Variants in ZMAT4 observed in about 807,000 individuals in gnomAD.
ZMAT4 encodes the protein zinc finger matrin-type 4, also known as zinc finger matrin-type protein 4.
Under a neutral mutation model 28.7 loss-of-function variants are expected in ZMAT4, and 17 were observed. The observed-to-expected ratio is 0.59, with a 90% confidence interval of 0.41 to 0.89. The LOEUF (loss-of-function observed/expected upper bound fraction) is 0.89. ZMAT4 is among the 40% of genes least tolerant of loss of function. The pLI is 0.00. For synonymous variants in ZMAT4, 117 were observed against 109.2 expected, an observed-to-expected ratio of 1.07 and a Z score of -0.44; for missense variants, 240 against 283.8, an observed-to-expected ratio of 0.85 and a Z score of 1.11.
chr8:40,637,591 A>C (rs1806844925), intron 5 of ZMAT4, among the ~76,000 whole-genome samples: 1 of 152,232 alleles, frequency 6.6e-6, no homozygotes, highest in Admixed American at 6.5e-5. Flanking sequence ...GCCATATTAA[A>C]ATAGTTACTA....
chr8:40,639,471 T>C (rs555096205), intron 5 of ZMAT4, among the ~76,000 whole-genome samples: 1 of 152,110 alleles, frequency 6.6e-6, no homozygotes, highest in Non-Finnish European at 1.5e-5. Flanking sequence ...CTCTTGGCCA[T>C]GAAGGATATT....
intron 1 of ZMAT4, among the ~76,000 whole-genome samples, chr8:40,847,968 T>A (rs188152242): frequency 6.6e-6 from 1 of 152,218 alleles, no homozygotes; most frequent in Non-Finnish European, 1.5e-5. Flanking sequence ...TAATTTTAAG[T>A]TCCAGGCTGT....
chr8:40,717,364 A>T lies in ZMAT4; in HGVS notation c.193-19963T>A, dbSNP rs142141440. ...CTTCTAATATAAAATACTCAAAATA[A>T]AGCATTCAGGCAGGGTACAGTGGCT... On this transcript the variant is annotated intron_variant, in intron 3 of 6. Transcript: ENST00000297737. Among the ~76,000 whole-genome samples the T allele has an allele frequency of 5.1e-3, 778 of 152,260 alleles. 2 individuals carry two copies. Among genetic ancestry groups the T allele is most frequent in the African/African-American group, 0.017 (693 of 41,544 alleles).
intron 5 of ZMAT4, among the ~76,000 whole-genome samples, chr8:40,596,838 G>A (rs1052163349): frequency 6.6e-6 from 1 of 152,174 alleles, no homozygotes; most frequent in Non-Finnish European, 1.5e-5. Context: ...CCGTCTCCCT[G>A]TTCCAACTCT....
chr8:40,821,157 T>C (rs1430606355), intron 2 of ZMAT4, among the ~76,000 whole-genome samples: 2 of 152,132 alleles, frequency 1.3e-5, no homozygotes, highest in Non-Finnish European at 2.9e-5. Context: ...TTTTTTCTTT[T>C]TCCTACGTTG....
chr8:40,602,587 G>A (rs1805436941), intron 5 of ZMAT4, among the ~76,000 whole-genome samples: 1 of 151,970 alleles, frequency 6.6e-6, no homozygotes, highest in South Asian at 2.1e-4. Context: ...AAGTGATATT[G>A]CTTTGTAGTT....
At chr8:40,565,277 C>T (rs1901374) in intron 6 of ZMAT4, among the ~76,000 whole-genome samples, 1 of 151,360 alleles carries the variant, frequency 6.6e-6, no homozygotes, top group Non-Finnish European at 1.5e-5. Context: ...ATATGAGTTT[C>T]TAAGTGACAA....
intron 5 of ZMAT4, among the ~76,000 whole-genome samples, chr8:40,659,670 T>C (rs1395812874): frequency 1.3e-5 from 2 of 152,300 alleles, no homozygotes; most frequent in South Asian, 2.1e-4. Context: ...ATTGTTCCTC[T>C]GTGGTACAGA....
At chr8:40,646,942 T>A (rs1186793797) in intron 5 of ZMAT4, among the ~76,000 whole-genome samples, 1 of 152,234 alleles carries the variant, frequency 6.6e-6, no homozygotes, top group African/African-American at 2.4e-5. Context: ...GGACAAATCA[T>A]ATGTTTGGCC....
intron 5 of ZMAT4, among the ~76,000 whole-genome samples, chr8:40,636,490 G>A (rs1806796232): frequency 2.6e-5 from 4 of 152,152 alleles, no homozygotes; most frequent in Admixed American, 2.6e-4. Context: ...TGTTCAGAAG[G>A]TCAGCTTCAA....
At chr8:40,696,605 A>G (rs1291204613) in intron 4 of ZMAT4, among the ~76,000 whole-genome samples, 2 of 152,168 alleles carry the variant, frequency 1.3e-5, no homozygotes, top group Non-Finnish European at 1.5e-5. Context: ...AAGCAATTAG[A>G]AGGTCAAATC....
intron 2 of ZMAT4, among the ~76,000 whole-genome samples, chr8:40,813,634 G>A (rs895322114): frequency 8.5e-5 from 13 of 152,258 alleles, no homozygotes; most frequent in Admixed American, 3.9e-4. Flanking sequence ...ATACACGGGA[G>A]CTGGCTTTAG....
intron 5 of ZMAT4, among the ~76,000 whole-genome samples, chr8:40,668,468 C>CAAAAAAAAAAAAA (rs71224843): frequency 3.5e-5 from 3 of 85,022 alleles, no homozygotes; most frequent in Non-Finnish European, 4.5e-5. Context: ...GACTTTGTCT[C>CAAAAAAAAAAAAA]AAAAAAAAAA....
rs941677781 is a variant in ZMAT4, at chr8:40,768,540, G to T, written c.103-810C>A. Among the ~76,000 whole-genome samples, 5 of 152,264 alleles carry T rather than the reference G, an allele frequency of 3.3e-5. No homozygotes were observed. The East Asian group carries it at 7.7e-4, about 24-fold the overall frequency. Reference sequence around the variant, plus strand: ...CTGAGGCAGGATGGCGGAGTGAAAAGAACACTAAGAGTCATCACACATTCA... The same window carrying T: ...CTGAGGCAGGATGGCGGAGTGAAAATAACACTAAGAGTCATCACACATTCA... On this transcript the variant is annotated intron_variant, in intron 2 of 6. Transcript: ENST00000297737.
chr8:40,789,614 C>T (rs1270205256), intron 2 of ZMAT4, among the ~76,000 whole-genome samples: 1 of 152,046 alleles, frequency 6.6e-6, no homozygotes, highest in African/African-American at 2.4e-5. Flanking sequence ...GATGAAGACC[C>T]CATTTACCCT....
intron 5 of ZMAT4, among the ~76,000 whole-genome samples, chr8:40,626,003 G>A (rs544724218): frequency 8.6e-5 from 13 of 151,930 alleles, no homozygotes; most frequent in African/African-American, 2.7e-4. Context: ...CCAGCTACTC[G>A]GGAGGCTGAG....
intron 6 of ZMAT4, among the ~76,000 whole-genome samples, chr8:40,537,404 G>T (rs1289365802): frequency 6.6e-6 from 1 of 152,126 alleles, no homozygotes; most frequent in Non-Finnish European, 1.5e-5. Flanking sequence ...AGAAAAGTCA[G>T]GTATTGGGAA....
chr8:40,602,645 T>C (rs1000316136), intron 5 of ZMAT4, among the ~76,000 whole-genome samples: 3 of 152,226 alleles, frequency 2.0e-5, no homozygotes, highest in African/African-American at 7.2e-5. Context: ...ATTTTTCATA[T>C]GTTTTTTGGC....
At chr8:40,637,790 G>T (rs1297635206) in intron 5 of ZMAT4, among the ~76,000 whole-genome samples, 1 of 152,152 alleles carries the variant, frequency 6.6e-6, no homozygotes, top group Non-Finnish European at 1.5e-5. Context: ...AGGCTAGTGA[G>T]TACAATAGTA....
Sources: allele counts gnomAD v4.1 joint callset (sites outside exome capture counted in the v4.1 genomes callset), GRCh38; gene constraint gnomAD v4.1.1; transcripts MANE v1.5; gene names NCBI Gene and HGNC (gene_info 2026-07-23, HGNC 2026-07-21).